The following STK32B variants were observed in gnomAD, a reference collection of about 807,000 sequenced individuals.
The protein encoded by STK32B is serine/threonine-protein kinase 32B.
STK32B carries 43 observed loss-of-function variants against 52.6 expected under a neutral mutation model. The observed-to-expected ratio is 0.82, with a 90% CI of 0.64 to 1.05. STK32B has a LOEUF of 1.05. STK32B is among the 50% of genes least tolerant of loss of function. The pLI, the probability that STK32B is intolerant of heterozygous loss-of-function variation, is 0.00. For missense variants in STK32B, 621 were observed against 534.6 expected (o/e 1.16, Z -1.59); for synonymous variants, 238 against 204.3 (o/e 1.17, Z -1.41).
intron 11 of STK32B, among the ~76,000 whole-genome samples, chr4:5,479,907 A>G (rs1718545873): frequency 6.6e-6 from 1 of 152,148 alleles, no homozygotes. Flanking sequence ...GTAAATGGCT[A>G]AAAGCACACA....
intron 1 of STK32B, among the ~76,000 whole-genome samples, chr4:5,087,654 A>G (rs1245331960): frequency 1.3e-5 from 2 of 152,016 alleles, no homozygotes; most frequent in African/African-American, 4.8e-5. Flanking sequence ...GGCTAGACTA[A>G]TATCAAACAT....
chr4:5,335,253 G>C (rs1037717665), intron 4 of STK32B, among the ~76,000 whole-genome samples: 4 of 152,172 alleles, frequency 2.6e-5, no homozygotes, highest in Admixed American at 1.3e-4. Context: ...AGATTTTCTA[G>C]TTTATTTGCG....
At chr4:5,251,204 G>A (rs1354990059) in intron 3 of STK32B, among the ~76,000 whole-genome samples, 1 of 152,150 alleles carries the variant, frequency 6.6e-6, no homozygotes, top group Non-Finnish European at 1.5e-5. Flanking sequence ...TTACATTTAA[G>A]TCGTTAATCC....
intron 4 of STK32B, among the ~76,000 whole-genome samples, chr4:5,334,631 A>G (rs1484581528): frequency 6.6e-6 from 1 of 151,992 alleles, no homozygotes; most frequent in African/African-American, 2.4e-5. Flanking sequence ...GATAGCTCTT[A>G]TTATTTTGAG....
chr4:5,187,300 C>G (rs975075073), intron 3 of STK32B, among the ~76,000 whole-genome samples: 2 of 152,198 alleles, frequency 1.3e-5, no homozygotes, highest in Non-Finnish European at 2.9e-5. Flanking sequence ...AACCAGGACT[C>G]TCTTGGTCCA....
At chr4:5,331,533 C>G (rs1348766876) in intron 4 of STK32B, 140 bp downstream of exon 4, 1 of 851,766 alleles carries the variant, frequency 1.2e-6, no homozygotes, top group Non-Finnish European at 1.7e-6. Flanking sequence ...AAGCAGAACA[C>G]TTTTCTTCCT....
chr4:5,440,447 T>C (rs533515694), intron 6 of STK32B, among the ~76,000 whole-genome samples: 2 of 152,318 alleles, frequency 1.3e-5, no homozygotes, highest in African/African-American at 2.4e-5. Flanking sequence ...TTTTTGTACA[T>C]TGATTTTGTA....
At chr4:5,205,654 T>C (rs1057108941) in intron 3 of STK32B, among the ~76,000 whole-genome samples, 1 of 150,606 alleles carries the variant, frequency 6.6e-6, no homozygotes, top group Admixed American at 6.6e-5. Context: ...GACAGAGGAG[T>C]GAGTGAGTGA....
chr4:5,153,900 A>T (rs1157572775), intron 2 of STK32B, among the ~76,000 whole-genome samples: 1 of 152,222 alleles, frequency 6.6e-6, no homozygotes, highest in Non-Finnish European at 1.5e-5. Context: ...TTTTATTAAG[A>T]TGGCAATTCT....
chr4:5,212,042 T>G (rs1220583554), intron 3 of STK32B, among the ~76,000 whole-genome samples: 1 of 152,240 alleles, frequency 6.6e-6, no homozygotes, highest in Non-Finnish European at 1.5e-5. Context: ...AATAATTGTT[T>G]AGCTCCTACT....
chr4:5,117,444 C>G (rs539148009), intron 1 of STK32B, among the ~76,000 whole-genome samples: 1 of 151,720 alleles, frequency 6.6e-6, no homozygotes, highest in Non-Finnish European at 1.5e-5. Context: ...AAATTTTTGT[C>G]AACTCCAGAT....
chr4:5,059,686 A>C (rs577830808), intron 1 of STK32B, among the ~76,000 whole-genome samples: 10 of 152,252 alleles, frequency 6.6e-5, no homozygotes, highest in African/African-American at 2.4e-4. Context: ...CTATAAAAGC[A>C]CAACTTGCTG....
chr4:5,173,109 A>G (rs1719527243), intron 3 of STK32B, among the ~76,000 whole-genome samples: 1 of 152,208 alleles, frequency 6.6e-6, no homozygotes. Flanking sequence ...AGGTGTTGAT[A>G]GTATTCTCTG....
chr4:5,237,371 C>G (rs969291250), intron 3 of STK32B, among the ~76,000 whole-genome samples: 1 of 152,142 alleles, frequency 6.6e-6, no homozygotes, highest in Non-Finnish European at 1.5e-5. Flanking sequence ...GCTCAGTGAA[C>G]AAGGAAAACA....
At chr4:5,480,359 A>C (rs1287561317) in intron 11 of STK32B, among the ~76,000 whole-genome samples, 3 of 152,284 alleles carry the variant, frequency 2.0e-5, no homozygotes, top group Non-Finnish European at 2.9e-5. Flanking sequence ...GCTTGGTTTT[A>C]AACATTTTAG....
chr4:5,187,627 G>GGGGGGGGGGGGGGAGGA (rs1720851183), intron 3 of STK32B, among the ~76,000 whole-genome samples: 1 of 141,666 alleles, frequency 7.1e-6, no homozygotes. Context: ...GCGGGGGAGG[G>GGGGGGGGGGGGGGAGGA]GGGGGACAAG....
chr4:5,188,678 A>G (rs1720933947), intron 3 of STK32B, among the ~76,000 whole-genome samples: 1 of 152,100 alleles, frequency 6.6e-6, no homozygotes, highest in South Asian at 2.1e-4. Flanking sequence ...TGGGAACACA[A>G]TATACATTTT....
At chr4:5,072,433 G>A (rs1447109813) in intron 1 of STK32B, among the ~76,000 whole-genome samples, 1 of 152,110 alleles carries the variant, frequency 6.6e-6, no homozygotes. Flanking sequence ...AGTCATGCTT[G>A]ACTTTTCTCT....
chr4:5,260,822 T>C (rs1020462474), intron 3 of STK32B, among the ~76,000 whole-genome samples: 1 of 152,068 alleles, frequency 6.6e-6, no homozygotes, highest in Non-Finnish European at 1.5e-5. Context: ...GGGACCAACA[T>C]CTGGGGAAGG....
Sources: allele counts gnomAD v4.1 joint callset (sites outside exome capture counted in the v4.1 genomes callset), GRCh38; gene constraint gnomAD v4.1.1; transcripts MANE v1.5; gene names NCBI Gene and HGNC (gene_info 2026-07-23, HGNC 2026-07-21).